Variants in PDE6C observed in about 807,000 individuals in gnomAD.
PDE6C encodes cone cGMP-specific 3',5'-cyclic phosphodiesterase subunit alpha'.
In PDE6C, 75 loss-of-function variants were observed where a neutral mutation model predicts 113.1. That is an observed-to-expected ratio of 0.66 (90% confidence interval 0.55 to 0.80). The LOEUF (loss-of-function observed/expected upper bound fraction) is 0.80. PDE6C is among the 30% of genes least tolerant of loss of function. The probability of loss-of-function intolerance (pLI) is 0.00; values close to 1 mark genes in which losing one functional copy is unlikely to be tolerated. For synonymous variants in PDE6C, 375 were observed against 363.7 expected, an observed-to-expected ratio of 1.03 and a Z score of -0.35; for missense variants, 912 against 1,038.6, an observed-to-expected ratio of 0.88 and a Z score of 1.67.
At chr10:93,654,796 TTC>T (rs1401912574) in intron 15 of PDE6C, among the ~76,000 whole-genome samples, 1 of 87,074 alleles carries the variant, frequency 1.1e-5, no homozygotes, top group Non-Finnish European at 2.6e-5. Flanking sequence ...CTTTCTTTCT[TTC>T]TTTCTTTCTT....
In PDE6C at chr10:93,634,803, T is replaced by C; in HGVS notation, c.1165T>C (p.Ser389Pro). The C allele has an allele frequency of 6.2e-7, 1 of 1,614,114 alleles. No homozygotes were observed. The highest frequency in any genetic ancestry group is 2.2e-5 in the East Asian group (1 of 44,862). Residue 389 changes from serine to proline, a missense_variant, in exon 9 of 22, where the codon TCC becomes CCC. Ser to Pro is a moderately conservative substitution (Grantham distance 74, BLOSUM62 -1). Transcript: ENST00000371447. ...ETGWVIKNVL[S>P]LPIVNKKEDI... ...TGGTTGGGTCATTAAGAATGTTTTGTCCCTGCCTATTGTCAACAAGAAAGA... is the reference window on the plus strand; with the variant it reads ...TGGTTGGGTCATTAAGAATGTTTTGCCCCTGCCTATTGTCAACAAGAAAGA...
chr10:93,656,650 A>G (rs760608440), intron 16 of PDE6C, among the ~76,000 whole-genome samples: 15 of 151,940 alleles, frequency 9.9e-5, no homozygotes, highest in Non-Finnish European at 2.2e-4. Context: ...GGTCACTGCA[A>G]TCTCGGCCTC....
At chr10:93,652,322 A>G (rs945016445) in intron 15 of PDE6C, among the ~76,000 whole-genome samples, 4 of 152,224 alleles carry the variant, frequency 2.6e-5, no homozygotes, top group Admixed American at 2.0e-4. Flanking sequence ...CAACTTAATA[A>G]GTCAATTAGA....
rs2058557951 is a variant in PDE6C at position 93,641,145 on chromosome 10, G to A, written c.1847+116G>A. ...CAGTCAATGCCTCTTTGCCATGTTG[G>A]AAATTCCAGGGCTGGATTCTATTCC... On this transcript the variant is annotated intron_variant, in intron 14 of 21. Coordinates refer to ENST00000371447, the MANE Select transcript of PDE6C (RefSeq NM_006204.4). The A allele has an allele frequency of 3.1e-5, 21 of 686,698 alleles. No homozygotes were observed. In the South Asian group the frequency reaches 3.6e-4, roughly 12 times the overall value. The allele number at this position is 686,698 out of a possible 1,614,324, so 42.5% of individuals were successfully genotyped here. A position where few individuals can be genotyped will look rare whatever the true frequency, so the allele number is the denominator to read the frequency against.
Position 93,663,222 on chromosome 10 carries a change from C to T in PDE6C, c.2518+44C>T, listed in dbSNP as rs750626902. The T allele has an allele frequency of 9.5e-6, 15 of 1,586,968 alleles. No homozygotes were observed. In the Admixed American group the frequency reaches 2.6e-4, roughly 27 times the overall value. ...TTGCTCCCTGTAATGTAGCCAGAAG[C>T]TAGGCTGAGCTTAATGGCATGTGAC... is the stretch of plus-strand genomic sequence containing the variant. On this transcript the variant is annotated intron_variant, in intron 21 of 21. Transcript: ENST00000371447.
intron 16 of PDE6C, among the ~76,000 whole-genome samples, chr10:93,658,187 AAAAAAG>A (rs2058648776): frequency 7.0e-6 from 1 of 142,312 alleles, no homozygotes; most frequent in Non-Finnish European, 1.5e-5. Context: ...AAAAAAAAAA[AAAAAAG>A]AAAAAGAAAA....
chr10:93,661,791 T>G (rs2058667033), intron 18 of PDE6C, among the ~76,000 whole-genome samples: 1 of 152,166 alleles, frequency 6.6e-6, no homozygotes, highest in African/African-American at 2.4e-5. Flanking sequence ...CTATTTCTCC[T>G]TTTCGTTGGT....
chr10:93,616,647 GA>G lies in PDE6C; in HGVS notation c.480+3444del, dbSNP rs1464304874. On this transcript the variant is annotated intron_variant, in intron 1 of 21. Transcript: ENST00000371447. ...CTGTTTTAAAACAAGTTGAAGGCAG[GA>G]AGACTTTTTTTTTTTTTTTTTTTTG... is the stretch of plus-strand genomic sequence containing the variant. 2.1e-5 allele frequency among the ~76,000 whole-genome samples: 3 copies of G among 142,366 alleles called. No individual in the cohort carries two copies. The East Asian group carries it at 6.2e-4, about 29-fold the overall frequency. The allele number at this position is 142,366 out of a possible 152,430, so 93.4% of individuals were successfully genotyped here.
intron 15 of PDE6C, among the ~76,000 whole-genome samples, chr10:93,647,294 T>C (rs2058589590): frequency 6.6e-6 from 1 of 152,042 alleles, no homozygotes. Flanking sequence ...AGAGTGGGCT[T>C]TTCTCACTTT....
At chr10:93,632,510 C>G (rs2058506595) in intron 8 of PDE6C, among the ~76,000 whole-genome samples, 1 of 152,188 alleles carries the variant, frequency 6.6e-6, no homozygotes, top group Non-Finnish European at 1.5e-5. Context: ...TGTAACTTGT[C>G]TGTCAGTAAG....
At chr10:93,656,079 G>A (rs2133875465) in intron 16 of PDE6C, among the ~76,000 whole-genome samples, 1 of 152,232 alleles carries the variant, frequency 6.6e-6, no homozygotes, top group South Asian at 2.1e-4. Context: ...AGACCTCTGG[G>A]AACATATTTT....
chr10:93,636,387 T>TGTGTGTG (rs2058530798), intron 10 of PDE6C, among the ~76,000 whole-genome samples: 1 of 149,168 alleles, frequency 6.7e-6, no homozygotes, highest in African/African-American at 2.6e-5. Flanking sequence ...TGTGTGTGTG[T>TGTGTGTG]GTGTGTGTGT....
rs143471789 is a variant in PDE6C at position 93,661,659 on chromosome 10, G to T, written c.2209-400G>T. ...TATCCTCACACTGTAATTAGGTAAA[G>T]CTACATACTAATGGGTGTATGTCAC... On this transcript the variant is annotated intron_variant, in intron 18 of 21. Transcript: ENST00000371447. 1.4e-3 allele frequency among the ~76,000 whole-genome samples: 215 copies of T among 152,268 alleles called. 2 individuals carry two copies. The highest frequency in any genetic ancestry group is 4.3e-3 in the African/African-American group (178 of 41,552).
rs1032329598 is a variant in PDE6C at position 93,637,034 on chromosome 10, T to A, written c.1453T>A (p.Cys485Ser). The A allele has an allele frequency of 6.2e-7, 1 of 1,605,000 alleles. No homozygotes were observed. Among genetic ancestry groups the A allele is most frequent in the African/African-American group, 1.3e-5 (1 of 74,870 alleles). The change falls in exon 11 of 22, where the codon TGT (cysteine) becomes AGT (serine). Residue 485 changes from cysteine (C) to serine (S), a missense_variant. Coordinates refer to ENST00000371447, the MANE Select transcript of PDE6C (RefSeq NM_006204.4). ...EKLNVDVIDD[C>S]EEKQLVAILK... ...GTTAAATGTTGATGTAATTGACGAC[T>A]GTGAAGAAAAACAACTTGTTGCAAT...
At chr10:93,628,013 GT>G (rs894642426) in intron 7 of PDE6C, among the ~76,000 whole-genome samples, 1 of 152,166 alleles carries the variant, frequency 6.6e-6, no homozygotes, top group Non-Finnish European at 1.5e-5. Context: ...TAGATTGTTA[GT>G]TTTTTAGGAC....
chr10:93,659,867 T>C (rs1230115099), intron 18 of PDE6C, among the ~76,000 whole-genome samples: 1 of 152,182 alleles, frequency 6.6e-6, no homozygotes, highest in Admixed American at 6.5e-5. Context: ...ATCAAGGGTG[T>C]TTTTGCTCCT....
chr10:93,614,534 T>C (rs957909910), intron 1 of PDE6C, among the ~76,000 whole-genome samples: 6 of 152,222 alleles, frequency 3.9e-5, no homozygotes, highest in African/African-American at 1.4e-4. Flanking sequence ...AGGCAATGTC[T>C]GCACATCCTG....
In PDE6C at chr10:93,635,641, GT is replaced by G; in HGVS notation, c.1413+2del. The G allele has an allele frequency of 6.2e-7, 1 of 1,613,764 alleles. No individual in the cohort carries two copies. Among genetic ancestry groups the G allele is most frequent in the Non-Finnish European group, 8.5e-7 (1 of 1,179,718 alleles). The stretch of plus-strand genomic sequence containing the variant: ...TCCTGAAGAAATTAAGTCCATTTTG[GT>G]AAGTGGGAAATTCAGTCCTGTGGAC... On this transcript the variant is annotated splice_donor_variant, in intron 10 of 21. Coordinates refer to ENST00000371447, the MANE Select transcript of PDE6C (RefSeq NM_006204.4). LOFTEE classifies it high-confidence loss of function.
intron 1 of PDE6C, among the ~76,000 whole-genome samples, chr10:93,619,512 T>C (rs55710030): frequency 0.039 from 5,986 of 152,282 alleles, 174 homozygotes; most frequent in African/African-American, 0.071. Flanking sequence ...CTGCAACCTC[T>C]GTCTCCCGGG....
Sources: allele counts gnomAD v4.1 joint callset (sites outside exome capture counted in the v4.1 genomes callset), GRCh38; gene constraint gnomAD v4.1.1; transcripts MANE v1.5; gene names NCBI Gene and HGNC (gene_info 2026-07-23, HGNC 2026-07-21).